RANBP2: variants seen among roughly 807,000 people sequenced by gnomAD.
The protein encoded by RANBP2 is RAN binding protein 2.
RANBP2 carries 57 observed loss-of-function variants against 303.6 expected under a neutral mutation model. The ratio of observed to expected loss-of-function variants is 0.19; its 90% CI spans 0.15 to 0.23. The LOEUF is 0.23. Among genes scored for constraint, RANBP2 ranks in the 10% least tolerant of loss-of-function variants. The pLI is 1.00. For synonymous variants in RANBP2, 1,167 were observed against 1,301.5 expected, an observed-to-expected ratio of 0.90 and a Z score of 2.23; for missense variants, 3,138 against 3,780.8, an observed-to-expected ratio of 0.83 and a Z score of 4.46.
the RANBP2 span, among the ~76,000 whole-genome samples, chr2:109,720,768 C>A: frequency 6.6e-6 from 1 of 152,180 alleles, no homozygotes; most frequent in Non-Finnish European, 1.5e-5. Flanking sequence ...GCCAAGGTTA[C>A]CTGATTTGCT....
the RANBP2 span, among the ~76,000 whole-genome samples, chr2:109,428,343 G>A: frequency 1.1e-4 from 16 of 152,372 alleles, no homozygotes; most frequent in African/African-American, 3.4e-4. Flanking sequence ...TTAGCAGCAA[G>A]TAAAGATCTT....
the RANBP2 span, among the ~76,000 whole-genome samples, chr2:109,478,570 T>C: frequency 5.8e-4 from 88 of 152,338 alleles, no homozygotes; most frequent in Non-Finnish European, 9.7e-4. Context: ...TTTGGATGTC[T>C]GGTATCCCTA....
In RANBP2 at chr2:108,764,324, G is replaced by C. The variant is rs1344683577; in HGVS notation, c.3785G>C (p.Arg1262Thr). The C allele has an allele frequency of 1.2e-6, 2 of 1,613,670 alleles. No individual in the cohort carries two copies. Among genetic ancestry groups the C allele is most frequent in the African/African-American group, 2.7e-5 (2 of 74,896 alleles). The change falls in exon 20 of 29, where the codon AGA becomes ACA. Residue 1262 changes from arginine (R) to threonine (T), a missense_variant. Physicochemically the swap from Arg to Thr is moderately conservative, Grantham distance 71 (BLOSUM62 -1). Coordinates refer to ENST00000283195, the MANE Select transcript of RANBP2 (RefSeq NM_006267.5). ...MKLTPNAGSD[R>T]SFVWHALDYA... ...TTGACACCAAATGCTGGATCAGACA[G>C]ATCTTTTGTATGGCATGCCCTTGAT...
intron 13 of RANBP2, 80 bp from the exon 14 acceptor site, chr2:108,753,346 A>G: frequency 6.2e-7 from 1 of 1,601,744 alleles, no homozygotes. Context: ...TCTTAAGATC[A>G]TATAAAATCT....
the RANBP2 span, among the ~76,000 whole-genome samples, chr2:108,962,283 G>T: frequency 6.6e-6 from 1 of 152,224 alleles, no homozygotes; most frequent in Non-Finnish European, 1.5e-5. Flanking sequence ...TTATGAAATA[G>T]GTAGGTTGTG....
chr2:109,552,931 T>C, the RANBP2 span: 2 of 837,010 alleles, frequency 2.4e-6, no homozygotes, highest in Middle Eastern at 3.8e-4. Flanking sequence ...AGGCTATGAT[T>C]CTAAGTCAAT....
the RANBP2 span, among the ~76,000 whole-genome samples, chr2:108,923,819 C>A: frequency 6.6e-6 from 1 of 152,248 alleles, no homozygotes; most frequent in Admixed American, 6.5e-5. Flanking sequence ...CCAACCAAGG[C>A]CAGACCTTCC....
chr2:108,755,206 G>C lies in RANBP2; in HGVS notation c.2413G>C (p.Glu805Gln), dbSNP rs1676210581. The C allele has an allele frequency of 5.0e-6, 8 of 1,611,726 alleles. No individual in the cohort carries two copies. The South Asian group carries it at 6.6e-5, about 13-fold the overall frequency. The part of the protein sequence containing the change: ...YSPKTPPRWA[E>Q]DQNSLLKMIC... ...TCCCAAAACACCACCTCGATGGGCA[G>C]AAGATCAGAATTCTTTACTGAAAAT... The change falls in exon 17 of 29, where the codon GAA (glutamate) becomes CAA (glutamine). Residue 805 changes from glutamate to glutamine, a missense_variant. This residue lies in a region of RANBP2 where 194 missense variants were observed against 197.4 expected (regional missense o/e 0.98). Transcript: ENST00000283195.
chr2:109,213,063 A>G, the RANBP2 span, among the ~76,000 whole-genome samples: 1 of 152,326 alleles, frequency 6.6e-6, no homozygotes, highest in South Asian at 2.1e-4. Context: ...CAGTCCTGGG[A>G]AGGCTCGGAG....
chr2:109,554,655 G>A, the RANBP2 span, among the ~76,000 whole-genome samples: 5 of 152,234 alleles, frequency 3.3e-5, no homozygotes, highest in African/African-American at 4.8e-5. Context: ...GGCCATCGCC[G>A]GGAATCAATT....
chr2:109,593,271 A>C, the RANBP2 span, among the ~76,000 whole-genome samples: 1 of 152,236 alleles, frequency 6.6e-6, no homozygotes, highest in East Asian at 1.9e-4. Flanking sequence ...ATCGTGTTTG[A>C]AATTGTGGCT....
downstream of RANBP2, chr2:108,788,837 C>G (rs767448094): frequency 1.9e-6 from 3 of 1,613,788 alleles, no homozygotes; most frequent in Admixed American, 3.3e-5. Flanking sequence ...TTCATGGTTT[C>G]TTTGTCGTTG....
the RANBP2 span, among the ~76,000 whole-genome samples, chr2:109,548,301 T>G: frequency 1.4e-4 from 21 of 152,218 alleles, no homozygotes; most frequent in African/African-American, 5.1e-4. Flanking sequence ...TTTTTGGTCC[T>G]CTGATCTGGT....
At chr2:109,202,642 T>G in the RANBP2 span, among the ~76,000 whole-genome samples, 3 of 152,162 alleles carry the variant, frequency 2.0e-5, no homozygotes, top group Non-Finnish European at 4.4e-5. Flanking sequence ...CCCAGGAACC[T>G]GGGTCCTGGG....
intron 1 of RANBP2, among the ~76,000 whole-genome samples, chr2:108,723,329 G>A (rs1016058763): frequency 1.3e-5 from 2 of 150,808 alleles, no homozygotes; most frequent in African/African-American, 4.9e-5. Context: ...GTCCAGGCTG[G>A]AGTGCAGTGG....
chr2:109,652,028 C>T, the RANBP2 span, among the ~76,000 whole-genome samples: 2 of 152,290 alleles, frequency 1.3e-5, no homozygotes, highest in Non-Finnish European at 2.9e-5. Flanking sequence ...AATGCTTCCT[C>T]CCCAGCACAG....
chr2:109,712,059 A>G, the RANBP2 span, among the ~76,000 whole-genome samples: 1 of 152,166 alleles, frequency 6.6e-6, no homozygotes, highest in African/African-American at 2.4e-5. Flanking sequence ...GTTTTGCAAC[A>G]CCACGCTCCA....
the RANBP2 span, among the ~76,000 whole-genome samples, chr2:109,420,023 T>C: frequency 5.9e-3 from 896 of 152,248 alleles, 12 homozygotes; most frequent in African/African-American, 0.02. Context: ...GGAGCTTGGG[T>C]AGCCACTAGT....
the RANBP2 span, among the ~76,000 whole-genome samples, chr2:109,265,292 C>T: frequency 1.3e-5 from 2 of 152,144 alleles, no homozygotes; most frequent in African/African-American, 2.4e-5. Flanking sequence ...GGGCTGTGTT[C>T]GCCAACTGCT....
Sources: gnomAD v4.1 joint callset for allele counts (sites outside exome capture counted in the v4.1 genomes callset) on GRCh38, gnomAD v4.1.1 for gene constraint, gnomAD v4.1.1 regional missense constraint, MANE v1.5 for transcripts, NCBI Gene and HGNC (gene_info 2026-07-23, HGNC 2026-07-21) for gene names.